Variants in SHOC2 observed in about 807,000 individuals in gnomAD.
The protein encoded by SHOC2 is SHOC2 leucine rich repeat scaffold protein.
A neutral mutation model predicts 50.2 loss-of-function variants in SHOC2; 4 were observed. That is an observed-to-expected ratio of 0.08 (90% CI 0.04 to 0.18). The LOEUF (loss-of-function observed/expected upper bound fraction) is 0.18. SHOC2 is among the 10% of genes least tolerant of loss of function. The pLI is 1.00. For missense variants in SHOC2, 388 were observed against 669.6 expected, an observed-to-expected ratio of 0.58 and a Z score of 4.64; for synonymous variants, 218 against 244.5, an observed-to-expected ratio of 0.89 and a Z score of 1.01.
intron 1 of SHOC2, among the ~76,000 whole-genome samples, chr10:110,942,459 C>T (rs574561345): frequency 2.0e-5 from 3 of 152,068 alleles, no homozygotes; most frequent in African/African-American, 4.8e-5. Context: ...GCAAGTCTCC[C>T]GCCTCAGCCC....
intron 1 of SHOC2, among the ~76,000 whole-genome samples, chr10:110,921,472 C>T (rs560988118): frequency 6.6e-6 from 1 of 151,898 alleles, no homozygotes; most frequent in South Asian, 2.1e-4. Context: ...TATTGAAATC[C>T]CAGTTTCAAA....
At chr10:110,976,073 G>A (rs926626292) in intron 2 of SHOC2, among the ~76,000 whole-genome samples, 2 of 151,978 alleles carry the variant, frequency 1.3e-5, no homozygotes, top group African/African-American at 4.8e-5. Flanking sequence ...ACCATACCCG[G>A]CTAATTTTTG....
chr10:110,947,445 C>G (rs907642232), intron 1 of SHOC2, among the ~76,000 whole-genome samples: 1 of 152,220 alleles, frequency 6.6e-6, no homozygotes, highest in Non-Finnish European at 1.5e-5. Context: ...GAGGTGACTA[C>G]TTCTTCAAAT....
chr10:110,923,531 A>T (rs1846696183), intron 1 of SHOC2, among the ~76,000 whole-genome samples: 1 of 152,182 alleles, frequency 6.6e-6, no homozygotes, highest in South Asian at 2.1e-4. Context: ...ATGGTAGTGT[A>T]TGTGCTTCTT....
At chr10:110,944,909 C>T (rs1847218450) in intron 1 of SHOC2, among the ~76,000 whole-genome samples, 1 of 152,200 alleles carries the variant, frequency 6.6e-6, no homozygotes, top group Non-Finnish European at 1.5e-5. Context: ...CAACACTCAG[C>T]TGGGTAGTTG....
intron 2 of SHOC2, among the ~76,000 whole-genome samples, chr10:110,978,799 T>C (rs998843592): frequency 6.6e-6 from 1 of 152,236 alleles, no homozygotes; most frequent in Non-Finnish European, 1.5e-5. Context: ...GTCACTCTTA[T>C]AACCCTGAAC....
At chr10:110,948,763 T>C (rs2134100507) in intron 1 of SHOC2, among the ~76,000 whole-genome samples, 1 of 152,272 alleles carries the variant, frequency 6.6e-6, no homozygotes, top group East Asian at 1.9e-4. Flanking sequence ...TGATAAATGC[T>C]TACATTAAGG....
Position 110,925,563 on chromosome 10 carries a change from T to C in SHOC2, c.-235+5906T>C, listed in dbSNP as rs545195492. Among the ~76,000 whole-genome samples, 10 of 152,316 alleles carry C rather than the reference T, an allele frequency of 6.6e-5. 1 individual carries two copies. Among genetic ancestry groups the C allele is most frequent in the East Asian group, 1.9e-4 (1 of 5,192 alleles). ...CCCTGACCTCCCTGGGCTCAAGTGA[T>C]CCTCCCACTTTAACCTCTCGTGTAA... On this transcript the variant is annotated intron_variant, in intron 1 of 8. Transcript: ENST00000369452.
intron 3 of SHOC2, among the ~76,000 whole-genome samples, chr10:110,995,697 T>C (rs1406360731): frequency 6.6e-6 from 1 of 152,208 alleles, no homozygotes; most frequent in Non-Finnish European, 1.5e-5. Flanking sequence ...TTCATTTCTT[T>C]TTATCAAATG....
At position 111,004,874 on chromosome 10, in the gene SHOC2, G is replaced by T. The variant is rs530898853; in HGVS notation, c.1161+80G>T. 6 of 970,236 alleles carry T rather than the reference G, an allele frequency of 6.2e-6. No individual in the cohort carries two copies. The African/African-American group carries it at 8.0e-5, about 13-fold the overall frequency. The allele number at this position is 970,236 out of a possible 1,614,324, so 60.1% of individuals were successfully genotyped here. ...TAATATTTATGTTTTCTCTAATTGT[G>T]TGGGGAGTGGGTACTTGTACCTTGC... On this transcript the variant is annotated intron_variant, in intron 5 of 8. Transcript: ENST00000369452.
chr10:110,999,215 G>T (rs1848321371), intron 3 of SHOC2, among the ~76,000 whole-genome samples: 1 of 152,168 alleles, frequency 6.6e-6, no homozygotes, highest in Non-Finnish European at 1.5e-5. Context: ...GTATCTCATA[G>T]CAACAGTTGT....
At chr10:110,937,651 T>C (rs1564704573) in intron 1 of SHOC2, among the ~76,000 whole-genome samples, 2 of 152,202 alleles carry the variant, frequency 1.3e-5, no homozygotes, top group Non-Finnish European at 2.9e-5. Flanking sequence ...CAGTCCAGTT[T>C]TGTCAGAATT....
intron 1 of SHOC2, chr10:110,920,043 GTC>G (rs766539706): frequency 6.7e-6 from 1 of 149,986 alleles, no homozygotes; most frequent in Non-Finnish European, 1.5e-5. Context: ...CCGGCGGACA[GTC>G]TCTCTCCTCT....
intron 3 of SHOC2, among the ~76,000 whole-genome samples, chr10:110,999,840 A>G (rs949318341): frequency 2.0e-5 from 3 of 152,034 alleles, no homozygotes; most frequent in African/African-American, 4.8e-5. Context: ...ATGCTTAGAT[A>G]AAAGAGACTA....
At position 110,940,956 on chromosome 10, in the gene SHOC2, G is replaced by A. The variant is rs186205080; in HGVS notation, c.-235+21299G>A. On this transcript the variant is annotated intron_variant, in intron 1 of 8. Coordinates refer to ENST00000369452, the MANE Select transcript of SHOC2 (RefSeq NM_007373.4). ...TTTTTTTTTTTTTTTTTTGTGACAG[G>A]GTCTAGCTCTGTTGCCCAGGCTGGA... is the stretch of plus-strand genomic sequence containing the variant. Among the ~76,000 whole-genome samples the A allele has an allele frequency of 4.7e-3, 574 of 122,918 alleles. 3 individuals are homozygous for A. Among genetic ancestry groups the A allele is most frequent in the Non-Finnish European group, 7.6e-3 (452 of 59,322 alleles). 80.6% of individuals were successfully genotyped at this position (122,918 alleles called of 152,430 possible).
At chr10:111,004,930 C>T (rs1446087776) in intron 5 of SHOC2, 136 bp downstream of exon 5, 2 of 691,222 alleles carry the variant, frequency 2.9e-6, no homozygotes, top group Admixed American at 2.1e-5. Context: ...TAAGACATGT[C>T]AGGGTACTTT....
chr10:110,936,830 A>T (rs779697971), intron 1 of SHOC2: 4 of 1,311,042 alleles, frequency 3.1e-6, no homozygotes, highest in Admixed American at 1.7e-5. Context: ...CAGATAGGCA[A>T]ACTTTCTTGT....
chr10:111,007,211 T>C (rs990515227), intron 5 of SHOC2, among the ~76,000 whole-genome samples: 1 of 152,206 alleles, frequency 6.6e-6, no homozygotes, highest in Admixed American at 6.5e-5. Flanking sequence ...CTGCATATTG[T>C]GAAATTGTAA....
chr10:110,944,908 G>A (rs1202105657), intron 1 of SHOC2, among the ~76,000 whole-genome samples: 5 of 152,172 alleles, frequency 3.3e-5, no homozygotes, highest in Non-Finnish European at 7.3e-5. Flanking sequence ...TCAACACTCA[G>A]CTGGGTAGTT....
Sources: gnomAD v4.1 joint callset for allele counts (sites outside exome capture counted in the v4.1 genomes callset) on GRCh38, gnomAD v4.1.1 for gene constraint, MANE v1.5 for transcripts, NCBI Gene and HGNC (gene_info 2026-07-23, HGNC 2026-07-21) for gene names.